The following DPP4 variants were observed in gnomAD, a reference collection of about 807,000 sequenced individuals.
DPP4 encodes dipeptidyl peptidase 4.
In DPP4, 93 loss-of-function variants were observed where a neutral mutation model predicts 122.4. The ratio of observed to expected loss-of-function variants is 0.76; its 90% CI spans 0.64 to 0.90. DPP4 has a LOEUF of 0.90. DPP4 is among the 40% of genes least tolerant of loss of function. The probability of loss-of-function intolerance (pLI) is 0.00; values close to 1 mark genes in which losing one functional copy is unlikely to be tolerated. For synonymous variants in DPP4, 321 were observed against 302.9 expected (o/e 1.06, Z -0.62); for missense variants, 914 against 907.3 (o/e 1.01, Z -0.09).
rs200852517 is a variant in DPP4 at position 161,993,067 on chromosome 2, C to T, written c.*216G>A. On this transcript the variant is annotated 3_prime_UTR_variant, in exon 26 of 26. Transcript: ENST00000360534. ...ATGATTTTAAACAATAAAACCCGAC[C>T]GGATAATTCAAACTTCTGTAAGGTA... The T allele has an allele frequency of 8.1e-5, 35 of 432,278 alleles. No homozygotes were observed. The highest frequency in any genetic ancestry group is 1.3e-4 in the South Asian group (3 of 23,580). 26.8% of individuals were successfully genotyped at this position (432,278 alleles called of 1,614,324 possible). A position where few individuals can be genotyped will look rare whatever the true frequency, so the allele number is the denominator to read the frequency against.
chr2:162,031,696 C>T (rs960513771), intron 10 of DPP4, among the ~76,000 whole-genome samples: 1 of 152,102 alleles, frequency 6.6e-6, no homozygotes, highest in African/African-American at 2.4e-5. Flanking sequence ...TCGTGAAAAC[C>T]CCATGTTCTC....
intron 12 of DPP4, among the ~76,000 whole-genome samples, chr2:162,020,901 A>ATG (rs1381942731): frequency 6.6e-6 from 1 of 152,230 alleles, no homozygotes; most frequent in African/African-American, 2.4e-5. Context: ...TGAGCAGTAA[A>ATG]TGAGAGAATG....
intron 10 of DPP4, among the ~76,000 whole-genome samples, chr2:162,030,998 A>C (rs1275847045): frequency 1.3e-5 from 2 of 152,200 alleles, no homozygotes; most frequent in Non-Finnish European, 2.9e-5. Flanking sequence ...TTGGAAACGG[A>C]TCTGTAAGTG....
At chr2:162,005,481 T>C (rs1199370829) in intron 23 of DPP4, among the ~76,000 whole-genome samples, 1 of 152,214 alleles carries the variant, frequency 6.6e-6, no homozygotes, top group Non-Finnish European at 1.5e-5. Flanking sequence ...ACTGAAATTT[T>C]ATAATTAAAG....
At chr2:162,008,418 T>C in intron 22 of DPP4, 144 bp downstream of exon 22, 2 of 654,664 alleles carry the variant, frequency 3.1e-6, no homozygotes, top group South Asian at 3.8e-5. Flanking sequence ...GATCATCTTA[T>C]TATAGGTATC....
intron 23 of DPP4, among the ~76,000 whole-genome samples, chr2:161,999,638 C>T (rs2268894): frequency 0.56 from 85,476 of 152,104 alleles, 24,147 homozygotes; most frequent in East Asian, 0.68. Context: ...TGTAGCTGCT[C>T]GTTGGATCAT....
chr2:162,045,046 C>T (rs1456483484), intron 5 of DPP4, among the ~76,000 whole-genome samples: 1 of 151,120 alleles, frequency 6.6e-6, no homozygotes, highest in Non-Finnish European at 1.5e-5. Context: ...TAGCTTCCAA[C>T]TCCTGGGCTC....
At chr2:162,013,280 A>G (rs1007336230) in intron 19 of DPP4, among the ~76,000 whole-genome samples, 1 of 152,196 alleles carries the variant, frequency 6.6e-6, no homozygotes, top group African/African-American at 2.4e-5. Context: ...AGATAAAAAT[A>G]TCACTCAAAA....
chr2:162,016,752 A>G lies in DPP4; in HGVS notation c.1567+16T>C, dbSNP rs201361209. The stretch of plus-strand genomic sequence containing the variant: ...TGTTTCCATGAAAAGTACTATTCCA[A>G]AGGAATTTAACTTACTTGTTTCATT... On this transcript the variant is annotated intron_variant, in intron 18 of 25. Coordinates refer to ENST00000360534, the MANE Select transcript of DPP4 (RefSeq NM_001935.4). The G allele has an allele frequency of 6.3e-6, 10 of 1,589,238 alleles. No homozygotes were observed. The highest frequency in any genetic ancestry group is 1.3e-5 in the African/African-American group (1 of 74,122).
Position 162,047,503 on chromosome 2 carries a change from T to C in DPP4, c.95-2A>G, listed in dbSNP as rs116302758. 51,638 of 1,554,874 alleles carry C rather than the reference T, an allele frequency of 0.033. 978 individuals carry two copies. The highest frequency in any genetic ancestry group is 0.039 in the Non-Finnish European group (44,306 of 1,141,868). On this transcript the variant is annotated splice_acceptor_variant, in intron 2 of 25. Transcript: ENST00000360534. LOFTEE classifies it high-confidence loss of function. ...GACTGTCAGCTGTAGCATCATCTGC[T>C]GGTTGAAAGAAAGAGCCAAATGTTC...
chr2:162,026,827 A>G (rs550986450), intron 10 of DPP4, among the ~76,000 whole-genome samples: 36 of 152,212 alleles, frequency 2.4e-4, no homozygotes, highest in Non-Finnish European at 4.4e-4. Flanking sequence ...GGAAGTATGA[A>G]AAGCACAACA....
chr2:162,015,225 A>C (rs1471702272), intron 18 of DPP4, among the ~76,000 whole-genome samples: 1 of 152,244 alleles, frequency 6.6e-6, no homozygotes, highest in Non-Finnish European at 1.5e-5. Flanking sequence ...GTAGGCAAAA[A>C]AATTCTTATC....
chr2:162,058,579 T>C (rs964984197), intron 2 of DPP4, among the ~76,000 whole-genome samples: 3 of 152,248 alleles, frequency 2.0e-5, no homozygotes, highest in Admixed American at 2.0e-4. Flanking sequence ...TTTTTCTGAA[T>C]CTCGTTATTC....
chr2:162,049,233 CA>C (rs1407123938), intron 2 of DPP4, among the ~76,000 whole-genome samples: 1 of 152,184 alleles, frequency 6.6e-6, no homozygotes, highest in East Asian at 1.9e-4. Context: ...CTCTTTCAAA[CA>C]ATGTTCTTAA....
At chr2:162,012,464 G>C (rs971710403) in intron 19 of DPP4, among the ~76,000 whole-genome samples, 11 of 152,000 alleles carry the variant, frequency 7.2e-5, no homozygotes, top group Non-Finnish European at 1.6e-4. Context: ...ATAGCACCCG[G>C]CACAGTCTTG....
intron 14 of DPP4, 66 bp downstream of exon 14, chr2:162,020,163 T>G: frequency 7.1e-7 from 1 of 1,404,188 alleles, no homozygotes; most frequent in Non-Finnish European, 9.9e-7. Flanking sequence ...TTTTCCCTAC[T>G]TCTGGGCAAA....
intron 2 of DPP4, among the ~76,000 whole-genome samples, chr2:162,048,760 G>T (rs187286652): frequency 3.2e-4 from 48 of 152,276 alleles, no homozygotes; most frequent in African/African-American, 9.4e-4. Flanking sequence ...TTTCGCTCTT[G>T]TCATTTAATG....
chr2:162,005,756 C>T lies in DPP4; in HGVS notation c.2041G>A (p.Asp681Asn). ...TCCTCATCTCTTACTCTGTAATGGT[C>T]AAGGTTGTCTTCTGGAGTTGGGAGA... ...MGLPTPEDNL[D>N]HYRNSTVMSR... Residue 681 changes from aspartate to asparagine, a missense_variant, in exon 23 of 26, where the codon GAC becomes AAC. Physicochemically the swap from Asp to Asn is conservative, Grantham distance 23. Coordinates refer to ENST00000360534, the MANE Select transcript of DPP4 (RefSeq NM_001935.4). The T allele has an allele frequency of 8.7e-6, 14 of 1,612,748 alleles. No homozygotes were observed. The highest frequency in any genetic ancestry group is 1.2e-5 in the Non-Finnish European group (14 of 1,179,400).
intron 20 of DPP4, among the ~76,000 whole-genome samples, chr2:162,010,191 A>ACATACAG (rs1317845439): frequency 1.3e-5 from 2 of 152,220 alleles, no homozygotes; most frequent in Admixed American, 6.5e-5. Context: ...AAGGAGGCAG[A>ACATACAG]CATACAGCAA....
Sources: allele counts gnomAD v4.1 joint callset (sites outside exome capture counted in the v4.1 genomes callset), GRCh38; gene constraint gnomAD v4.1.1; transcripts MANE v1.5; gene names NCBI Gene and HGNC (gene_info 2026-07-23, HGNC 2026-07-21).